The following PDK1 variants were observed in gnomAD, a reference collection of about 807,000 sequenced individuals.
PDK1 encodes pyruvate dehydrogenase kinase 1.
Under a neutral mutation model 54.2 loss-of-function variants are expected in PDK1, and 39 were observed. The observed-to-expected ratio is 0.72, with a 90% CI of 0.56 to 0.94. The LOEUF (loss-of-function observed/expected upper bound fraction) is 0.94. Ranked by LOEUF, PDK1 falls within the 40% of genes least tolerant of loss-of-function variation. The pLI is 0.00. For missense variants in PDK1, 552 were observed against 566.0 expected (o/e 0.98, Z 0.25); for synonymous variants, 221 against 207.1 (o/e 1.07, Z -0.58).
the PDK1 span, among the ~76,000 whole-genome samples, chr2:172,686,798 C>T: frequency 2.7e-4 from 41 of 152,294 alleles, no homozygotes; most frequent in Non-Finnish European, 3.7e-4. Context: ...GAACCAACTC[C>T]GGACACATCT....
At chr2:172,622,817 TTATA>T in the PDK1 span, among the ~76,000 whole-genome samples, 200 of 147,942 alleles carry the variant, frequency 1.4e-3, 1 homozygote, top group African/African-American at 4.7e-3. Context: ...ATGTATATGT[TTATA>T]TATTATATGT....
chr2:172,592,868 A>G (rs1574533572), intron 9 of PDK1, 67 bp from the exon 10 acceptor site: 6 of 832,898 alleles, frequency 7.2e-6, no homozygotes, highest in Non-Finnish European at 1.0e-5. Context: ...AATGGCATCT[A>G]TCTTAATTAG....
downstream of PDK1, among the ~76,000 whole-genome samples, chr2:172,609,593 GA>G (rs1414978590): frequency 6.6e-6 from 1 of 152,156 alleles, no homozygotes; most frequent in African/African-American, 2.4e-5. Context: ...ACAACCCAAA[GA>G]AGTGGAAGGA....
intron 8 of PDK1, 74 bp downstream of exon 8, chr2:172,570,898 AC>A: frequency 1.2e-6 from 1 of 811,596 alleles, no homozygotes; most frequent in South Asian, 1.6e-5. Context: ...AGGTAACCAT[AC>A]GCATAATTTC....
At chr2:172,570,994 T>C (rs575333371) in intron 8 of PDK1, among the ~76,000 whole-genome samples, 170 bp downstream of exon 8, 1 of 152,214 alleles carries the variant, frequency 6.6e-6, no homozygotes, top group Non-Finnish European at 1.5e-5. Context: ...TGGTGGATTA[T>C]AGTTATCCCT....
the PDK1 span, among the ~76,000 whole-genome samples, chr2:172,703,850 G>A: frequency 0.015 from 1,959 of 130,494 alleles, 54 homozygotes; most frequent in African/African-American, 0.052. Context: ...TCAGCTCACC[G>A]CAACCTCTGC....
the PDK1 span, among the ~76,000 whole-genome samples, chr2:172,614,348 CT>C: frequency 6.6e-6 from 1 of 152,216 alleles, no homozygotes. Context: ...GACTCATGCT[CT>C]TCCGTGCTGC....
the PDK1 span, among the ~76,000 whole-genome samples, chr2:172,691,729 C>T: frequency 4.6e-5 from 7 of 152,178 alleles, no homozygotes; most frequent in South Asian, 2.1e-4. Flanking sequence ...CCTCCATGTC[C>T]GCTCATGGCT....
At chr2:172,634,791 T>A in the PDK1 span, among the ~76,000 whole-genome samples, 70 of 145,626 alleles carry the variant, frequency 4.8e-4, 1 homozygote, top group Middle Eastern at 7.0e-3. Context: ...AAAAAAAAGA[T>A]AAGGTTTTTT....
At chr2:172,555,882 C>G (rs974861513), upstream of PDK1, 4 of 323,332 alleles carry the variant, frequency 1.2e-5, no homozygotes, top group Non-Finnish European at 1.7e-5. Context: ...GCCTGGCGCG[C>G]GCTCCGCATC....
At chr2:172,675,432 GCA>G in the PDK1 span, among the ~76,000 whole-genome samples, 2 of 152,200 alleles carry the variant, frequency 1.3e-5, no homozygotes, top group East Asian at 3.8e-4. Context: ...ACTCTAGTGA[GCA>G]CTAGAATGAT....
chr2:172,591,283 T>A (rs1014917307), intron 9 of PDK1, among the ~76,000 whole-genome samples: 1 of 152,114 alleles, frequency 6.6e-6, no homozygotes, highest in Non-Finnish European at 1.5e-5. Flanking sequence ...GAGGTTGGTA[T>A]AAGAGTTTGA....
chr2:172,694,887 C>A, the PDK1 span, among the ~76,000 whole-genome samples: 6 of 152,046 alleles, frequency 3.9e-5, no homozygotes, highest in Admixed American at 3.9e-4. Context: ...TAGACCAAGG[C>A]GGGTGGATCA....
In PDK1 at chr2:172,568,282, C is replaced by T. The variant is rs539603127; in HGVS notation, c.770-459C>T. Among the ~76,000 whole-genome samples, 66 of 141,040 alleles carry T rather than the reference C, an allele frequency of 4.7e-4. 1 individual carries two copies. In the East Asian group the frequency reaches 8.8e-3, roughly 19 times the overall value. The allele number at this position is 141,040 out of a possible 152,430, so 92.5% of individuals were successfully genotyped here. On this transcript the variant is annotated intron_variant, in intron 6 of 10. Transcript: ENST00000282077. Reference sequence around the variant, plus strand: ...AGTGGAGGTTGCAGTGAGCCAAGATCGCGCCACTGCACTCCAGTCTGGGCA... The same window carrying T: ...AGTGGAGGTTGCAGTGAGCCAAGATTGCGCCACTGCACTCCAGTCTGGGCA...
the PDK1 span, among the ~76,000 whole-genome samples, chr2:172,665,782 G>C: frequency 6.6e-6 from 1 of 152,200 alleles, no homozygotes; most frequent in Non-Finnish European, 1.5e-5. Context: ...TGGTCAAACA[G>C]ACATAAGCAG....
the PDK1 span, among the ~76,000 whole-genome samples, chr2:172,632,923 G>C: frequency 8.0e-6 from 1 of 124,406 alleles, no homozygotes; most frequent in South Asian, 2.7e-4. Context: ...GGAGGTTGCA[G>C]TGAGCTGAGA....
intron 8 of PDK1, among the ~76,000 whole-genome samples, chr2:172,571,574 T>C (rs1158021719): frequency 6.6e-6 from 1 of 152,102 alleles, no homozygotes; most frequent in East Asian, 1.9e-4. Context: ...TCTCACTTTG[T>C]TGCCCAGGCT....
At chr2:172,719,304 G>T in the PDK1 span, among the ~76,000 whole-genome samples, 1 of 152,096 alleles carries the variant, frequency 6.6e-6, no homozygotes, top group Non-Finnish European at 1.5e-5. Flanking sequence ...TTGAAAATAG[G>T]TTTTTATTTC....
chr2:172,628,271 TGCTTGGC>T, the PDK1 span, among the ~76,000 whole-genome samples: 1 of 152,240 alleles, frequency 6.6e-6, no homozygotes, highest in African/African-American at 2.4e-5. Context: ...TGAGCCTCCT[TGCTTGGC>T]GCCCTGCCAA....
Sources: gnomAD v4.1 joint callset for allele counts (sites outside exome capture counted in the v4.1 genomes callset) on GRCh38, gnomAD v4.1.1 for gene constraint, MANE v1.5 for transcripts, NCBI Gene and HGNC (gene_info 2026-07-23, HGNC 2026-07-21) for gene names.